The following SCLT1 variants were observed in gnomAD, a reference collection of about 807,000 sequenced individuals.
SCLT1 encodes sodium channel and clathrin linker 1, also known as sodium channel-associated protein 1.
SCLT1 carries 78 observed loss-of-function variants against 112.8 expected under a neutral mutation model. The observed-to-expected ratio is 0.69, with a 90% CI of 0.58 to 0.83. The LOEUF (loss-of-function observed/expected upper bound fraction) is 0.83, where lower values mean the gene tolerates loss of function less well. SCLT1 is among the 40% of genes least tolerant of loss of function. The pLI is 0.00. For missense variants in SCLT1, 747 were observed against 770.4 expected (o/e 0.97, Z 0.36); for synonymous variants, 257 against 254.7 (o/e 1.01, Z -0.09).
At chr4:128,908,274 T>C (rs1230444426) in intron 18 of SCLT1, among the ~76,000 whole-genome samples, 1 of 152,138 alleles carries the variant, frequency 6.6e-6, no homozygotes, top group African/African-American at 2.4e-5. Flanking sequence ...GCCAGATGTT[T>C]TTTTCTTTTT....
At chr4:129,026,244 T>C (rs1746061858) in intron 5 of SCLT1, among the ~76,000 whole-genome samples, 1 of 152,202 alleles carries the variant, frequency 6.6e-6, no homozygotes, top group Admixed American at 6.5e-5. Flanking sequence ...CAACAGAATA[T>C]ACATTATTTT....
At chr4:129,040,755 A>G (rs1427105289) in intron 4 of SCLT1, among the ~76,000 whole-genome samples, 1 of 152,180 alleles carries the variant, frequency 6.6e-6, no homozygotes, top group Non-Finnish European at 1.5e-5. Flanking sequence ...CTTTGGAGAT[A>G]TAGTATTTTT....
At chr4:128,922,343 A>C (rs1196325578) in intron 18 of SCLT1, among the ~76,000 whole-genome samples, 2 of 152,158 alleles carry the variant, frequency 1.3e-5, no homozygotes, top group Non-Finnish European at 2.9e-5. Flanking sequence ...ACAAAGACGC[A>C]TGCTTGTGTA....
At chr4:128,894,363 AACACACACACACACACAC>A (rs10522940) in intron 18 of SCLT1, among the ~76,000 whole-genome samples, 34,260 of 142,992 alleles carry the variant, frequency 0.24, 4,707 homozygotes, top group East Asian at 0.32. Context: ...TTGAGTAAGT[AACACACACACACACACAC>A]ACACACACAC....
chr4:128,910,468 T>G (rs1735009198), intron 18 of SCLT1, among the ~76,000 whole-genome samples: 1 of 152,266 alleles, frequency 6.6e-6, no homozygotes, highest in South Asian at 2.1e-4. Context: ...AACCTTTTAA[T>G]GTGGAACTTG....
intron 2 of SCLT1, among the ~76,000 whole-genome samples, chr4:129,078,945 C>A (rs1751697363): frequency 6.6e-6 from 1 of 152,098 alleles, no homozygotes; most frequent in Non-Finnish European, 1.5e-5. Flanking sequence ...AAAGAAGGCA[C>A]ATCTTACATG....
chr4:128,876,239 C>T (rs6848234), intron 4 of SCLT1, among the ~76,000 whole-genome samples: 3,414 of 152,200 alleles, frequency 0.022, 111 homozygotes, highest in African/African-American at 0.074. Flanking sequence ...AACAATTATT[C>T]GTACATTTTG....
intron 1 of SCLT1, among the ~76,000 whole-genome samples, chr4:129,087,467 GA>G (rs1752491117): frequency 6.7e-6 from 1 of 149,542 alleles, no homozygotes; most frequent in Admixed American, 6.7e-5. Context: ...ACTAAAACCA[GA>G]CAAAAATATT....
intron 18 of SCLT1, among the ~76,000 whole-genome samples, chr4:128,913,666 A>G (rs1735262008): frequency 6.6e-6 from 1 of 152,128 alleles, no homozygotes; most frequent in South Asian, 2.1e-4. Context: ...GAAGAAGAGA[A>G]AGAAGGGCAG....
At chr4:128,899,497 A>G (rs1734083500) in intron 18 of SCLT1, among the ~76,000 whole-genome samples, 1 of 152,228 alleles carries the variant, frequency 6.6e-6, no homozygotes. Context: ...AAAACTCTCA[A>G]TAAATTAGGT....
rs115676609 is a variant in SCLT1, at chr4:129,062,625, A to C, written c.103-18574T>G. Among the ~76,000 whole-genome samples, 769 of 152,186 alleles carry C rather than the reference A, an allele frequency of 5.1e-3. 10 individuals carry two copies. Among genetic ancestry groups the C allele is most frequent in the African/African-American group, 0.017 (701 of 41,556 alleles). On this transcript the variant is annotated intron_variant, in intron 2 of 20. Transcript: ENST00000281142. ...CTTTTGCTTGTCTAGGAAAAGCTTT[A>C]TCTCTCCTACATTTCTGAAGGGTAG... is the stretch of plus-strand genomic sequence containing the variant.
At chr4:128,992,083 C>A in intron 9 of SCLT1, 84 bp downstream of exon 9, 2 of 822,258 alleles carry the variant, frequency 2.4e-6, no homozygotes, top group East Asian at 2.6e-5. Context: ...CAAAAAAACA[C>A]CCATGGGGAA....
intron 1 of SCLT1, among the ~76,000 whole-genome samples, chr4:129,090,544 A>G (rs1411437681): frequency 1.3e-5 from 2 of 152,242 alleles, no homozygotes; most frequent in African/African-American, 4.8e-5. Context: ...GGGTTAGGCA[A>G]TGATTTCTTT....
intron 3 of SCLT1, among the ~76,000 whole-genome samples, chr4:128,878,030 T>TAAC (rs1732560825): frequency 6.6e-6 from 1 of 152,224 alleles, no homozygotes; most frequent in African/African-American, 2.4e-5. Flanking sequence ...CTCTACATCC[T>TAAC]AACTGCTTGG....
At chr4:128,941,363 A>G (rs539665156) in intron 17 of SCLT1, among the ~76,000 whole-genome samples, 1 of 152,086 alleles carries the variant, frequency 6.6e-6, no homozygotes, top group Non-Finnish European at 1.5e-5. Context: ...GGTGGTGTGT[A>G]GTGTTATCTT....
chr4:128,941,840 T>C (rs1191644235), intron 17 of SCLT1, among the ~76,000 whole-genome samples: 2 of 152,114 alleles, frequency 1.3e-5, no homozygotes, highest in Admixed American at 6.5e-5. Context: ...TGCTGTGATA[T>C]AGGAGTTAAG....
chr4:129,028,515 C>G (rs1454154471), intron 5 of SCLT1, among the ~76,000 whole-genome samples: 1 of 152,242 alleles, frequency 6.6e-6, no homozygotes, highest in Admixed American at 6.5e-5. Context: ...ACACCTTATA[C>G]AAAAATTAAC....
chr4:129,082,474 T>C (rs1019226976), intron 1 of SCLT1, 101 bp from the exon 2 acceptor site: 1 of 549,390 alleles, frequency 1.8e-6, no homozygotes, highest in African/African-American at 1.9e-5. Context: ...GCAAAACGGC[T>C]AGTCTTCACT....
In SCLT1 at chr4:128,884,523, A is replaced by G. The variant is rs776326397; in HGVS notation, c.2021T>C (p.Val674Ala). 2 of 1,601,624 alleles carry G rather than the reference A, an allele frequency of 1.2e-6. No homozygotes were observed. The highest frequency in any genetic ancestry group is 1.1e-5 in the South Asian group (1 of 90,798). Residue 674 changes from valine (V) to alanine (A), a missense_variant, in exon 21 of 21, where the codon GTG becomes GCG. By Grantham distance (64) the Val-to-Ala change is moderately conservative (BLOSUM62 0). Coordinates refer to ENST00000281142, the MANE Select transcript of SCLT1 (RefSeq NM_144643.4). Reference sequence around the variant, plus strand: ...CAGGGAGGCTGCTTTTCTTCTCTGCACTGTAATCACACTGAGCTGCAATTA... The same window carrying G: ...CAGGGAGGCTGCTTTTCTTCTCTGCGCTGTAATCACACTGAGCTGCAATTA... ...SASQQLSVIT[V>A]QRRKAASLMN...
Sources: allele counts gnomAD v4.1 joint callset (sites outside exome capture counted in the v4.1 genomes callset), GRCh38; gene constraint gnomAD v4.1.1; transcripts MANE v1.5; gene names NCBI Gene and HGNC (gene_info 2026-07-23, HGNC 2026-07-21).